The following HSPA14 variants were observed in gnomAD, a reference collection of about 807,000 sequenced individuals.
HSPA14 encodes the protein heat shock protein family A (Hsp70) member 14, also known as heat shock 70 kDa protein 14.
A neutral mutation model predicts 65.5 loss-of-function variants in HSPA14; 37 were observed. That is an observed-to-expected ratio of 0.56 (90% confidence interval 0.43 to 0.74). The LOEUF is 0.74. Among genes scored for constraint, HSPA14 ranks in the 30% least tolerant of loss-of-function variants. The probability of loss-of-function intolerance (pLI) is 0.00; values close to 1 mark genes in which losing one functional copy is unlikely to be tolerated. For synonymous variants in HSPA14, 203 were observed against 214.2 expected (o/e 0.95, Z 0.46); for missense variants, 564 against 607.6 (o/e 0.93, Z 0.75).
intron 13 of HSPA14, among the ~76,000 whole-genome samples, 177 bp downstream of exon 13, chr10:14,870,844 A>G (rs1235247348): frequency 6.6e-6 from 1 of 152,188 alleles, no homozygotes; most frequent in East Asian, 1.9e-4. Flanking sequence ...AAAGAAAAGT[A>G]TATCTCAAGT....
At chr10:14,844,680 G>A (rs1426539162) in intron 3 of HSPA14, 3 of 975,192 alleles carry the variant, frequency 3.1e-6, no homozygotes, top group Non-Finnish European at 3.7e-6. Context: ...GGTTTATATC[G>A]ATAATCTTCA....
intron 3 of HSPA14, 147 bp downstream of exon 3, chr10:14,840,304 G>A (rs1368274365): frequency 3.1e-6 from 1 of 326,854 alleles, no homozygotes; most frequent in Non-Finnish European, 5.7e-6. Flanking sequence ...CCCCCAGTAG[G>A]CAGTGTCTTT....
chr10:14,867,469 A>G (rs1247056364), intron 11 of HSPA14, among the ~76,000 whole-genome samples, 174 bp downstream of exon 11: 1 of 152,212 alleles, frequency 6.6e-6, no homozygotes, highest in Non-Finnish European at 1.5e-5. Context: ...GGTATGTCTT[A>G]TATTCTTTTA....
rs1833992272 is a variant in HSPA14 at position 14,842,825 on chromosome 10, T to C, written c.221+2668T>C. The stretch of plus-strand genomic sequence containing the variant: ...AGAAACCAGTGACCTTGAGGACTCC[T>C]GGGATGAATCCTCGGGTGCAGGTAA... On this transcript the variant is annotated intron_variant, in intron 3 of 13. Transcript: ENST00000378372. This position sits in a 1 kb window ranked among gnomAD's most constrained non-coding sequence, Gnocchi z 5.2. 1 of 1,534,580 alleles carries C rather than the reference T, an allele frequency of 6.5e-7. No individual in the cohort carries two copies.
intron 12 of HSPA14, 29 bp downstream of exon 12, chr10:14,867,938 CT>C (rs775927615): frequency 1.9e-6 from 3 of 1,574,136 alleles, no homozygotes; most frequent in Admixed American, 3.7e-5. Context: ...ACACATTAAA[CT>C]GTTCAACTTT....
chr10:14,844,024 T>C (rs1834011351), intron 3 of HSPA14: 4 of 1,445,382 alleles, frequency 2.8e-6, no homozygotes, highest in East Asian at 2.5e-5. Flanking sequence ...ATCCAGATAG[T>C]ATGAAAATAA....
At chr10:14,849,872 TA>T in intron 6 of HSPA14, 61 bp downstream of exon 6, 1 of 987,990 alleles carries the variant, frequency 1.0e-6, no homozygotes. Flanking sequence ...CACTATATAG[TA>T]AAAGGTAACA....
At chr10:14,841,954 TG>T (rs1224699917) in intron 3 of HSPA14, among the ~76,000 whole-genome samples, 1 of 152,268 alleles carries the variant, frequency 6.6e-6, no homozygotes, top group African/African-American at 2.4e-5. Context: ...TTGGCCTTTT[TG>T]TTACCAAGCC....
chr10:14,846,967 G>A lies in HSPA14; in HGVS notation c.222-1642G>A, dbSNP rs111268149. On this transcript the variant is annotated intron_variant, in intron 3 of 13. Transcript: ENST00000378372. ...CTTTGTTTTTCTGTTCGGTAATCCT[G>A]GTGTGGACAAATAAAGTTTTCACTT... 131 of 985,306 alleles carry A rather than the reference G, an allele frequency of 1.3e-4. No individual in the cohort carries two copies. In the African/African-American group the frequency reaches 2.1e-3, roughly 16 times the overall value. The allele number at this position is 985,306 out of a possible 1,614,324, so 61.0% of individuals were successfully genotyped here. A position where few individuals can be genotyped will look rare whatever the true frequency, so the allele number is the denominator to read the frequency against.
chr10:14,839,067 G>C (rs1194243585), intron 1 of HSPA14, among the ~76,000 whole-genome samples: 1 of 152,232 alleles, frequency 6.6e-6, no homozygotes, highest in Non-Finnish European at 1.5e-5. Flanking sequence ...GTCCCGCAAA[G>C]CTGCCTGGCT....
In HSPA14 at chr10:14,846,829, G is replaced by A. The variant is rs543426169; in HGVS notation, c.222-1780G>A. On this transcript the variant is annotated intron_variant, in intron 3 of 13. Transcript: ENST00000378372. ...ACCGTAAGGGATATTCAAGTAGGAGGAGGAAGAGAAGATGGCATTGCTAAT... is the reference window on the plus strand; with the variant it reads ...ACCGTAAGGGATATTCAAGTAGGAGAAGGAAGAGAAGATGGCATTGCTAAT... 4 of 985,440 alleles carry A rather than the reference G, an allele frequency of 4.1e-6. No homozygotes were observed. The South Asian group carries it at 1.9e-4, about 46-fold the overall frequency. The allele number at this position is 985,440 out of a possible 1,614,324, so 61.0% of individuals were successfully genotyped here.
At chr10:14,851,128 G>A in intron 6 of HSPA14, 91 bp from the exon 7 acceptor site, 1 of 732,204 alleles carries the variant, frequency 1.4e-6, no homozygotes, top group Admixed American at 2.4e-5. Flanking sequence ...AATTTTAGTA[G>A]CTTTTGTATA....
chr10:14,849,803 T>A lies in HSPA14; in HGVS notation c.459T>A (p.Asn153Lys), dbSNP rs1432175348. 2.5e-6 allele frequency: 4 copies of A among 1,606,084 alleles called. No homozygotes were observed. The highest frequency in any genetic ancestry group is 3.4e-6 in the Non-Finnish European group (4 of 1,173,202). ...TTGATTTTGGAGAAAAGCAAAAAAA[T>A]GCTCTTGGGTAAGTATATGGGGTTT... ...VPFDFGEKQK[N>K]ALGEAARAAG... The change falls in exon 6 of 14, where the codon AAT becomes AAA. Residue 153 changes from asparagine to lysine, a missense_variant. Physicochemically the swap from Asn to Lys is moderately conservative, Grantham distance 94. Transcript: ENST00000378372.
chr10:14,838,548 C>T (rs1233136633), intron 1 of HSPA14, 89 bp downstream of exon 1: 2 of 1,315,264 alleles, frequency 1.5e-6, no homozygotes, highest in African/African-American at 1.5e-5. Flanking sequence ...AGCGGCGTGT[C>T]GCCGGCCTAG....
intron 10 of HSPA14, among the ~76,000 whole-genome samples, chr10:14,856,473 G>A (rs1832693579): frequency 6.6e-6 from 1 of 152,070 alleles, no homozygotes; most frequent in African/African-American, 2.4e-5. Context: ...CCTTGCTTAG[G>A]AACATATTTT....
At chr10:14,845,587 CTATTAT>C in intron 3 of HSPA14, 8 of 928,512 alleles carry the variant, frequency 8.6e-6, no homozygotes, top group Non-Finnish European at 7.7e-6. Flanking sequence ...TTGCCCTTTT[CTATTAT>C]TATTATTTTT....
At chr10:14,869,587 G>T (rs151154506) in intron 12 of HSPA14, among the ~76,000 whole-genome samples, 1 of 152,146 alleles carries the variant, frequency 6.6e-6, no homozygotes, top group Non-Finnish European at 1.5e-5. Context: ...GAGCCACCAC[G>T]CCTGGCCACA....
chr10:14,861,466 C>A (rs931338543), intron 10 of HSPA14, among the ~76,000 whole-genome samples: 1 of 152,082 alleles, frequency 6.6e-6, no homozygotes, highest in Non-Finnish European at 1.5e-5. Context: ...GCTGGGACTA[C>A]AGGTGTGTGC....
At chr10:14,846,463 T>C (rs1367291174) in intron 3 of HSPA14, 3 of 985,098 alleles carry the variant, frequency 3.0e-6, no homozygotes, top group Non-Finnish European at 3.6e-6. Flanking sequence ...CTTGAATAAG[T>C]ACACAGAAAA....
Sources: gnomAD v4.1 joint callset for allele counts (sites outside exome capture counted in the v4.1 genomes callset) on GRCh38, gnomAD v4.1.1 for gene constraint, Gnocchi (gnomAD v3.1) non-coding constraint, MANE v1.5 for transcripts, NCBI Gene and HGNC (gene_info 2026-07-23, HGNC 2026-07-21) for gene names.